Variants in RGS9 observed in about 807,000 individuals in gnomAD.
The protein encoded by RGS9 is regulator of G protein signaling 9, also known as regulator of G-protein signalling 9.
RGS9 carries 78 observed loss-of-function variants against 102.0 expected under a neutral mutation model. That is an observed-to-expected ratio of 0.76 (90% CI 0.64 to 0.92). The LOEUF (loss-of-function observed/expected upper bound fraction) is 0.92. Ranked by LOEUF, RGS9 falls within the 40% of genes least tolerant of loss-of-function variation. RGS9 has a pLI of 0.00. For missense variants in RGS9, 833 were observed against 866.1 expected, an observed-to-expected ratio of 0.96 and a Z score of 0.48; for synonymous variants, 353 against 318.6, an observed-to-expected ratio of 1.11 and a Z score of -1.15.
intron 8 of RGS9, among the ~76,000 whole-genome samples, chr17:65,175,227 A>G (rs1056474030): frequency 2.6e-5 from 4 of 151,588 alleles, no homozygotes; most frequent in African/African-American, 9.7e-5. Context: ...GCATGTATGT[A>G]TGTGAGCATG....
intron 9 of RGS9, among the ~76,000 whole-genome samples, chr17:65,182,752 C>G (rs1323536887): frequency 2.0e-5 from 3 of 152,228 alleles, no homozygotes; most frequent in Non-Finnish European, 2.9e-5. Flanking sequence ...CTGCTCCCCT[C>G]TCCACCCCAC....
chr17:65,186,336 C>G (rs1383827300), intron 9 of RGS9, among the ~76,000 whole-genome samples: 1 of 151,828 alleles, frequency 6.6e-6, no homozygotes, highest in Non-Finnish European at 1.5e-5. Context: ...ACCCCACCCC[C>G]CACCAAGTAA....
intron 8 of RGS9, among the ~76,000 whole-genome samples, chr17:65,169,179 C>T (rs957211848): frequency 1.3e-5 from 2 of 152,120 alleles, no homozygotes; most frequent in East Asian, 3.8e-4. Flanking sequence ...CAAGCCCATC[C>T]GATTTTGGCT....
At chr17:65,180,792 C>T (rs1164331973) in intron 9 of RGS9, among the ~76,000 whole-genome samples, 1 of 152,134 alleles carries the variant, frequency 6.6e-6, no homozygotes, top group East Asian at 1.9e-4. Flanking sequence ...CTATCCTCTC[C>T]CTCCTCCCAC....
At position 65,225,121 on chromosome 17, in the gene RGS9, A is replaced by G. The variant is rs768850191; in HGVS notation, c.1527A>G (p.Ser509=). The change falls in exon 18 of 19, where the codon TCA becomes TCG. Residue 509 remains serine, a synonymous_variant. Transcript: ENST00000262406. ...SCRSPRKPFA[S]PSRFIRRPST... ...GCTCCCCCAGGAAGCCTTTCGCCTC[A>G]CCCAGCCGCTTCATCCGGCGACCCA... 20 of 1,612,962 alleles carry G rather than the reference A, an allele frequency of 1.2e-5. No homozygotes were observed. Among genetic ancestry groups the G allele is most frequent in the Non-Finnish European group, 1.6e-5 (19 of 1,179,858 alleles).
At chr17:65,164,831 T>C (rs867860623) in intron 7 of RGS9, among the ~76,000 whole-genome samples, 59 of 152,312 alleles carry the variant, frequency 3.9e-4, no homozygotes, top group Admixed American at 1.5e-3. Context: ...AAGGCTTCAT[T>C]TGGTGAGTTT....
At position 65,197,251 on chromosome 17, in the gene RGS9, T is replaced by G. The variant is rs1415541690; in HGVS notation, c.976+10T>G. The G allele has an allele frequency of 1.2e-5, 18 of 1,546,682 alleles. No homozygotes were observed. Among genetic ancestry groups the G allele is most frequent in the African/African-American group, 2.7e-5 (2 of 72,984 alleles). ...AAGAAAGAATTCAGTGGTGGGTCTTTGTTTACAAAAAAAAATTAAAATAAC... is the reference window on the plus strand; with the variant it reads ...AAGAAAGAATTCAGTGGTGGGTCTTGGTTTACAAAAAAAAATTAAAATAAC... On this transcript the variant is annotated intron_variant, in intron 13 of 18. Transcript: ENST00000262406.
intron 18 of RGS9, among the ~76,000 whole-genome samples, chr17:65,225,923 C>T (rs567921019): frequency 6.6e-6 from 1 of 152,194 alleles, no homozygotes; most frequent in Non-Finnish European, 1.5e-5. Context: ...GCCCTTGCCT[C>T]CCTTCCCCCA....
chr17:65,157,006 A>G (rs912167770), intron 2 of RGS9, among the ~76,000 whole-genome samples: 1 of 152,150 alleles, frequency 6.6e-6, no homozygotes, highest in Admixed American at 6.5e-5. Flanking sequence ...CAGGTTGTCT[A>G]CACCCAGCCA....
intron 18 of RGS9, among the ~76,000 whole-genome samples, chr17:65,226,699 G>A (rs758731988): frequency 2.0e-5 from 3 of 147,934 alleles, no homozygotes; most frequent in Admixed American, 1.3e-4. Flanking sequence ...TGCAGTGTCC[G>A]TCTCCCAGGT....
At chr17:65,184,207 A>G (rs566026261) in intron 9 of RGS9, among the ~76,000 whole-genome samples, 228 of 152,214 alleles carry the variant, frequency 1.5e-3, no homozygotes, top group African/African-American at 5.4e-3. Context: ...TTTTTGTAAC[A>G]ACTTCGTTTT....
chr17:65,217,992 A>G (rs1281425315), intron 17 of RGS9, among the ~76,000 whole-genome samples: 1 of 152,210 alleles, frequency 6.6e-6, no homozygotes, highest in African/African-American at 2.4e-5. Flanking sequence ...TGACTGCAGG[A>G]GAAGTCCCTG....
chr17:65,144,345 C>T (rs991189839), intron 1 of RGS9, among the ~76,000 whole-genome samples: 9 of 150,734 alleles, frequency 6.0e-5, no homozygotes, highest in South Asian at 2.1e-4. Context: ...TGAGGAGCAG[C>T]GTGGGCGTGG....
intron 1 of RGS9, among the ~76,000 whole-genome samples, chr17:65,148,781 C>A (rs745612359): frequency 6.6e-6 from 1 of 152,050 alleles, no homozygotes; most frequent in Non-Finnish European, 1.5e-5. Context: ...CTCCTGGGCT[C>A]GAGTGATCTT....
intron 12 of RGS9, among the ~76,000 whole-genome samples, chr17:65,194,629 T>C (rs1912513949): frequency 6.6e-6 from 1 of 152,148 alleles, no homozygotes; most frequent in Admixed American, 6.5e-5. Flanking sequence ...CCTGCACGCT[T>C]GTGTTATTTG....
At chr17:65,183,061 A>AATCTACCTATCT (rs55918557) in intron 9 of RGS9, among the ~76,000 whole-genome samples, 2 of 114,392 alleles carry the variant, frequency 1.7e-5, no homozygotes, top group African/African-American at 6.0e-5. Context: ...AATTTTTTTA[A>AATCTACCTATCT]ATCTATCTAT....
intron 17 of RGS9, among the ~76,000 whole-genome samples, chr17:65,217,014 T>C (rs1913545447): frequency 6.6e-6 from 1 of 152,040 alleles, no homozygotes. Context: ...AGAGGGAAGC[T>C]TGGACGAGGC....
At chr17:65,227,179 G>T (rs953843371) in intron 18 of RGS9, 96 bp from the exon 19 acceptor site, 1 of 1,556,240 alleles carries the variant, frequency 6.4e-7, no homozygotes, top group African/African-American at 1.4e-5. Flanking sequence ...AAATGCACCT[G>T]GTATGTTCAT....
chr17:65,202,825 C>G (rs113371263), intron 14 of RGS9, among the ~76,000 whole-genome samples: 1 of 152,144 alleles, frequency 6.6e-6, no homozygotes, highest in Non-Finnish European at 1.5e-5. Flanking sequence ...CCCCAACACT[C>G]CTCCCCCTAC....
Sources: allele counts gnomAD v4.1 joint callset (sites outside exome capture counted in the v4.1 genomes callset), GRCh38; gene constraint gnomAD v4.1.1; transcripts MANE v1.5; gene names NCBI Gene and HGNC (gene_info 2026-07-23, HGNC 2026-07-21).